The following LRRTM3 variants were observed in gnomAD, a reference collection of about 807,000 sequenced individuals.
LRRTM3 encodes the protein leucine rich repeat transmembrane neuronal 3, also known as leucine-rich repeat transmembrane neuronal protein 3.
Under a neutral mutation model 44.7 loss-of-function variants are expected in LRRTM3, and 24 were observed. The observed-to-expected ratio is 0.54, with a 90% CI of 0.39 to 0.76. The LOEUF (loss-of-function observed/expected upper bound fraction) is 0.76. Among genes scored for constraint, LRRTM3 ranks in the 30% least tolerant of loss-of-function variants. The pLI is 0.00. For synonymous variants in LRRTM3, 277 were observed against 278.7 expected (o/e 0.99, Z 0.06); for missense variants, 587 against 702.2 (o/e 0.84, Z 1.85).
intron 2 of LRRTM3, among the ~76,000 whole-genome samples, chr10:67,003,911 T>C (rs1851821378): frequency 1.3e-5 from 2 of 152,218 alleles, no homozygotes; most frequent in Non-Finnish European, 2.9e-5. Flanking sequence ...TGTGAGACTA[T>C]ACCTTGCACA....
At chr10:67,038,212 ATTATT>A (rs1225968829) in intron 2 of LRRTM3, among the ~76,000 whole-genome samples, 1 of 152,114 alleles carries the variant, frequency 6.6e-6, no homozygotes, top group African/African-American at 2.4e-5. Flanking sequence ...AATATATTGT[ATTATT>A]TTATTGTTGT....
chr10:67,086,160 AT>A (rs901204085), intron 2 of LRRTM3, among the ~76,000 whole-genome samples: 33 of 151,960 alleles, frequency 2.2e-4, no homozygotes, highest in East Asian at 1.2e-3. Flanking sequence ...GAAACAGTAT[AT>A]TTTTTTTCAT....
chr10:66,978,552 A>AAAAATATATATATATATATAT, intron 2 of LRRTM3, among the ~76,000 whole-genome samples: 15 of 37,880 alleles, frequency 4.0e-4, no homozygotes, highest in Admixed American at 4.9e-4. Context: ...AAAAAAAAAA[A>AAAAATATATATATATATATAT]ATATATATAT....
intron 2 of LRRTM3, among the ~76,000 whole-genome samples, chr10:67,010,813 C>T (rs1375998473): frequency 6.6e-6 from 1 of 152,148 alleles, no homozygotes; most frequent in Non-Finnish European, 1.5e-5. Context: ...TTTGTATGCC[C>T]AGTTCTCAGC....
At chr10:66,990,724 T>TTCATGTAGATTA (rs1419853106) in intron 2 of LRRTM3, among the ~76,000 whole-genome samples, 1 of 152,168 alleles carries the variant, frequency 6.6e-6, no homozygotes, top group African/African-American at 2.4e-5. Context: ...CCTGTTGAGA[T>TTCATGTAGATTA]TCATGTAGAT....
intron 2 of LRRTM3, among the ~76,000 whole-genome samples, chr10:66,936,976 A>T (rs1217770378): frequency 6.6e-6 from 1 of 152,144 alleles, no homozygotes; most frequent in East Asian, 1.9e-4. Context: ...AGCACTCTGA[A>T]ATCATCCTCT....
At chr10:66,973,219 C>G (rs1274087450) in intron 2 of LRRTM3, among the ~76,000 whole-genome samples, 3 of 152,150 alleles carry the variant, frequency 2.0e-5, no homozygotes, top group African/African-American at 7.2e-5. Context: ...TCAAAAATGT[C>G]AGTTTCCAAT....
At chr10:66,965,291 C>G (rs1486558175) in intron 2 of LRRTM3, among the ~76,000 whole-genome samples, 1 of 152,042 alleles carries the variant, frequency 6.6e-6, no homozygotes, top group East Asian at 1.9e-4. Flanking sequence ...AATCTCAACA[C>G]TTTGGGAGGC....
intron 2 of LRRTM3, chr10:67,012,843 A>C (rs548751046): frequency 2.3e-3 from 352 of 152,312 alleles, no homozygotes; most frequent in African/African-American, 7.7e-3. Flanking sequence ...AGAGCTTACT[A>C]TAATATGTTC....
chr10:66,969,905 C>T (rs1849626105), intron 2 of LRRTM3, among the ~76,000 whole-genome samples: 2 of 152,020 alleles, frequency 1.3e-5, no homozygotes, highest in African/African-American at 2.4e-5. Context: ...CTTAGTGAAA[C>T]AGCATGAAAG....
At chr10:67,044,371 C>T (rs1354416258) in intron 2 of LRRTM3, among the ~76,000 whole-genome samples, 1 of 151,932 alleles carries the variant, frequency 6.6e-6, no homozygotes, top group Non-Finnish European at 1.5e-5. Flanking sequence ...AATTACCTGG[C>T]ACTATAATAT....
intron 2 of LRRTM3, among the ~76,000 whole-genome samples, chr10:67,067,300 C>CTTTAA (rs3056682): frequency 0.51 from 76,877 of 151,514 alleles, 19,814 homozygotes; most frequent in Middle Eastern, 0.64. Context: ...TCAGTAACCA[C>CTTTAA]TTTAATACTG....
intron 2 of LRRTM3, among the ~76,000 whole-genome samples, chr10:67,058,510 G>A (rs1855571151): frequency 6.6e-6 from 1 of 152,056 alleles, no homozygotes; most frequent in Non-Finnish European, 1.5e-5. Context: ...AATATCTTTG[G>A]CCCTTTCTCC....
In LRRTM3 at chr10:66,995,929, T is replaced by C. The variant is rs1376910499; in HGVS notation, c.1536+67477T>C. Among the ~76,000 whole-genome samples, 3 of 152,236 alleles carry C rather than the reference T, an allele frequency of 2.0e-5. No homozygotes were observed. In the East Asian group the frequency reaches 5.8e-4, roughly 29 times the overall value. ...AGTACTGATATTGCATTAGACATTG[T>C]ATTCAGTGGTTTATTACATTATTGT... On this transcript the variant is annotated intron_variant, in intron 2 of 2. Transcript: ENST00000361320.
rs1849814433 is a variant in LRRTM3 at position 66,973,008 on chromosome 10, A to G, written c.1536+44556A>G. Among the ~76,000 whole-genome samples the G allele has an allele frequency of 3.3e-5, 5 of 152,336 alleles. No homozygotes were observed. The South Asian group carries it at 1.0e-3, about 32-fold the overall frequency. ...GTCAGTATTAAAAACTAAGTCAACCACAAGCAGTTTTACATCATGTTTACA... is the reference window on the plus strand; with the variant it reads ...GTCAGTATTAAAAACTAAGTCAACCGCAAGCAGTTTTACATCATGTTTACA... On this transcript the variant is annotated intron_variant, in intron 2 of 2. Transcript: ENST00000361320.
intron 2 of LRRTM3, among the ~76,000 whole-genome samples, chr10:66,940,895 T>C (rs1447892140): frequency 1.3e-5 from 2 of 152,216 alleles, no homozygotes; most frequent in Non-Finnish European, 2.9e-5. Context: ...TGTTTCTGTA[T>C]GCTCCAATAA....
At chr10:66,968,909 G>C (rs985287367) in intron 2 of LRRTM3, among the ~76,000 whole-genome samples, 4 of 151,898 alleles carry the variant, frequency 2.6e-5, no homozygotes, top group African/African-American at 9.7e-5. Flanking sequence ...CCTAGCTGCT[G>C]GGGGCGCTGA....
intron 2 of LRRTM3, among the ~76,000 whole-genome samples, chr10:66,977,007 T>C (rs1347680286): frequency 6.6e-6 from 1 of 152,164 alleles, no homozygotes; most frequent in African/African-American, 2.4e-5. Flanking sequence ...TAATTTTATA[T>C]CTACAAATGC....
In LRRTM3 at chr10:66,926,954, C is replaced by T; in HGVS notation, c.38C>T (p.Ala13Val). 6.2e-7 allele frequency: 1 copy of T among 1,612,654 alleles called. No individual in the cohort carries two copies. The highest frequency in any genetic ancestry group is 1.1e-5 in the South Asian group (1 of 90,810). ...GTAATTAGGCTACTGAGCGGATCAG[C>T]TGTAGCACTGGTTATAGCCCCCACT... is the stretch of plus-strand genomic sequence containing the variant. ...FNVIRLLSGS[A>V]VALVIAPTVL... The change falls in exon 2 of 3, where the codon GCT becomes GTT. Residue 13 changes from alanine (A) to valine (V), a missense_variant. By Grantham distance (64) the Ala-to-Val change is moderately conservative. Coordinates refer to ENST00000361320, the MANE Select transcript of LRRTM3 (RefSeq NM_178011.5).
Sources: allele counts gnomAD v4.1 joint callset (sites outside exome capture counted in the v4.1 genomes callset), GRCh38; gene constraint gnomAD v4.1.1; transcripts MANE v1.5; gene names NCBI Gene and HGNC (gene_info 2026-07-23, HGNC 2026-07-21).